The following R3HDM1 variants were observed in gnomAD, a reference collection of about 807,000 sequenced individuals.
R3HDM1 encodes the protein R3H domain-containing protein 1.
Under a neutral mutation model 141.1 loss-of-function variants are expected in R3HDM1, and 46 were observed. The observed-to-expected ratio is 0.33, with a 90% CI of 0.26 to 0.42. R3HDM1 has a LOEUF of 0.42. Ranked by LOEUF, R3HDM1 falls within the 10% of genes least tolerant of loss-of-function variation. The pLI is 1.00. For missense variants in R3HDM1, 1,184 were observed against 1,368.3 expected, an observed-to-expected ratio of 0.87 and a Z score of 2.12; for synonymous variants, 435 against 472.9, an observed-to-expected ratio of 0.92 and a Z score of 1.04.
At position 135,649,947 on chromosome 2, in the gene R3HDM1, A is replaced by G. The variant is rs1375429455; in HGVS notation, c.1669A>G (p.Thr557Ala). ...QSSSQPVQYS[T>A]APYPSPFLPV... ...CTCTTCACAGCCTGTTCAGTACTCT[A>G]CAGCCCCTTACCCATCCCCGTTCCT... The change falls in exon 17 of 27, where the codon ACA becomes GCA. Residue 557 changes from threonine to alanine, a missense_variant. By Grantham distance (58) the Thr-to-Ala change is moderately conservative. Around this residue, in one of 5 missense-constraint regions of R3HDM1, gnomAD observed 563 missense variants for 562.0 expected, o/e 1.00. Transcript: ENST00000683871. 6 of 1,297,126 alleles carry G rather than the reference A, an allele frequency of 4.6e-6. No individual in the cohort carries two copies. Among genetic ancestry groups the G allele is most frequent in the South Asian group, 1.3e-5 (1 of 78,974 alleles). The allele number at this position is 1,297,126 out of a possible 1,614,324, so 80.4% of individuals were successfully genotyped here. A position where few individuals can be genotyped will look rare whatever the true frequency, so the allele number is the denominator to read the frequency against.
chr2:135,612,143 T>C (rs2060608501), intron 3 of R3HDM1, among the ~76,000 whole-genome samples: 1 of 152,206 alleles, frequency 6.6e-6, no homozygotes, highest in Admixed American at 6.5e-5. Context: ...CTCAGAGAAC[T>C]TTGTATTTTT....
intron 19 of R3HDM1, among the ~76,000 whole-genome samples, chr2:135,666,528 G>A (rs1011630931): frequency 2.6e-5 from 4 of 151,950 alleles, no homozygotes; most frequent in East Asian, 1.9e-4. Context: ...TTAACCTGCC[G>A]CCACTGAAAT....
At chr2:135,670,358 A>C (rs2068155505) in intron 19 of R3HDM1, 1 of 981,706 alleles carries the variant, frequency 1.0e-6, no homozygotes, top group Non-Finnish European at 1.2e-6. Context: ...CCTTTTAGCT[A>C]CTCAACACAT....
At chr2:135,545,224 G>A (rs542998071) in intron 1 of R3HDM1, among the ~76,000 whole-genome samples, 256 of 152,244 alleles carry the variant, frequency 1.7e-3, no homozygotes, top group African/African-American at 5.9e-3. Flanking sequence ...TGAAATATTC[G>A]TTGATAATTT....
chr2:135,663,370 T>C (rs1477840952), intron 19 of R3HDM1, among the ~76,000 whole-genome samples: 3 of 152,204 alleles, frequency 2.0e-5, no homozygotes, highest in Non-Finnish European at 4.4e-5. Flanking sequence ...ATGTTTGACA[T>C]TGTGTTTGAC....
At chr2:135,648,455 C>T (rs1449687375) in intron 16 of R3HDM1, among the ~76,000 whole-genome samples, 1 of 152,046 alleles carries the variant, frequency 6.6e-6, no homozygotes, top group Non-Finnish European at 1.5e-5. Context: ...GTTTATCTAA[C>T]ATTTTTAAAG....
intron 1 of R3HDM1, among the ~76,000 whole-genome samples, chr2:135,593,060 C>T (rs996102317): frequency 2.6e-5 from 4 of 152,040 alleles, no homozygotes; most frequent in African/African-American, 9.7e-5. Flanking sequence ...GCTGGGATTA[C>T]AGGCGCCTGC....
intron 1 of R3HDM1, among the ~76,000 whole-genome samples, chr2:135,565,322 AATTATTATTATTATT>A (rs72174180): frequency 9.4e-4 from 134 of 143,156 alleles, no homozygotes; most frequent in East Asian, 4.7e-3. Flanking sequence ...AATGAAAAAA[AATTATTATTATTATT>A]ATTATTATTA....
intron 7 of R3HDM1, among the ~76,000 whole-genome samples, chr2:135,631,174 G>A (rs753195888): frequency 5.3e-5 from 8 of 152,090 alleles, no homozygotes; most frequent in Admixed American, 2.0e-4. Context: ...AAGTATTCCT[G>A]TTGTTACTGG....
At chr2:135,596,273 C>T (rs1400596571) in intron 1 of R3HDM1, among the ~76,000 whole-genome samples, 1 of 152,188 alleles carries the variant, frequency 6.6e-6, no homozygotes, top group Non-Finnish European at 1.5e-5. Flanking sequence ...GCTGGGATTA[C>T]AGGCATGAGC....
chr2:135,705,401 A>G (rs558030575), intron 21 of R3HDM1, among the ~76,000 whole-genome samples: 3 of 152,328 alleles, frequency 2.0e-5, no homozygotes, highest in Non-Finnish European at 4.4e-5. Flanking sequence ...TCAGGTATTA[A>G]ATGTCAAAGG....
chr2:135,700,895 A>G (rs1245713265), intron 21 of R3HDM1, among the ~76,000 whole-genome samples: 7 of 152,156 alleles, frequency 4.6e-5, no homozygotes, highest in East Asian at 3.9e-4. Context: ...TCCAGAGGGT[A>G]TATGTTCCAG....
chr2:135,572,926 C>T (rs1175044865), intron 1 of R3HDM1, among the ~76,000 whole-genome samples: 1 of 151,996 alleles, frequency 6.6e-6, no homozygotes, highest in Non-Finnish European at 1.5e-5. Flanking sequence ...TTGTATGATA[C>T]CATTTATATA....
chr2:135,656,975 T>C (rs954415708), intron 18 of R3HDM1, among the ~76,000 whole-genome samples: 1 of 151,104 alleles, frequency 6.6e-6, no homozygotes, highest in Non-Finnish European at 1.5e-5. Flanking sequence ...GGTGGGTGCC[T>C]ATAATCCCAG....
At chr2:135,539,603 T>C (rs1280847000) in intron 1 of R3HDM1, among the ~76,000 whole-genome samples, 1 of 152,084 alleles carries the variant, frequency 6.6e-6, no homozygotes, top group African/African-American at 2.4e-5. Context: ...AAGCGAGTCA[T>C]ATACATTTTT....
chr2:135,569,408 G>C (rs565997700), intron 1 of R3HDM1, among the ~76,000 whole-genome samples: 1 of 151,790 alleles, frequency 6.6e-6, no homozygotes, highest in Non-Finnish European at 1.5e-5. Context: ...GCTTGAACCC[G>C]GGAGGCAGAG....
chr2:135,659,692 C>G (rs1432886485), intron 18 of R3HDM1, among the ~76,000 whole-genome samples: 1 of 152,206 alleles, frequency 6.6e-6, no homozygotes, highest in Non-Finnish European at 1.5e-5. Context: ...CCCGCCTCAG[C>G]CTCCCAAAGT....
chr2:135,698,205 G>C (rs2073573326), intron 21 of R3HDM1, among the ~76,000 whole-genome samples: 1 of 150,284 alleles, frequency 6.7e-6, no homozygotes, highest in African/African-American at 2.4e-5. Flanking sequence ...TGTCACCCAG[G>C]CTGGAGTGCA....
chr2:135,617,670 C>G (rs572050450), intron 5 of R3HDM1, among the ~76,000 whole-genome samples: 1 of 152,242 alleles, frequency 6.6e-6, no homozygotes, highest in Admixed American at 6.5e-5. Flanking sequence ...ATGGGTTGAT[C>G]TCTGTCTCAT....
Sources: allele counts gnomAD v4.1 joint callset (sites outside exome capture counted in the v4.1 genomes callset), GRCh38; gene constraint gnomAD v4.1.1; regional missense constraint gnomAD v4.1.1; transcripts MANE v1.5; gene names NCBI Gene and HGNC (gene_info 2026-07-23, HGNC 2026-07-21).